Variants in DLG2 observed in about 807,000 individuals in gnomAD.
The protein encoded by DLG2 is disks large homolog 2.
A neutral mutation model predicts 132.5 loss-of-function variants in DLG2; 45 were observed. The observed-to-expected ratio is 0.34, with a 90% CI of 0.27 to 0.44. The LOEUF (loss-of-function observed/expected upper bound fraction) is 0.44. Among genes scored for constraint, DLG2 ranks in the 20% least tolerant of loss-of-function variants. The probability of loss-of-function intolerance (pLI) is 1.00; values close to 1 mark genes in which losing one functional copy is unlikely to be tolerated. For synonymous variants in DLG2, 424 were observed against 419.6 expected, an observed-to-expected ratio of 1.01 and a Z score of -0.13; for missense variants, 1,045 against 1,196.9, an observed-to-expected ratio of 0.87 and a Z score of 1.87.
At chr11:83,994,599 G>A (rs1412671728) in intron 11 of DLG2, among the ~76,000 whole-genome samples, 1 of 151,988 alleles carries the variant, frequency 6.6e-6, no homozygotes, top group African/African-American at 2.4e-5. Flanking sequence ...TTTTCCATAA[G>A]CATACTTTAA....
intron 7 of DLG2, among the ~76,000 whole-genome samples, chr11:84,532,116 C>CTTTTT (rs1565211965): frequency 6.9e-4 from 48 of 69,922 alleles, no homozygotes; most frequent in African/African-American, 2.1e-3. Flanking sequence ...TTGTTCTGTT[C>CTTTTT]ATTTTTTTTT....
chr11:83,533,650 C>T (rs532954851), intron 20 of DLG2, among the ~76,000 whole-genome samples: 51 of 152,216 alleles, frequency 3.4e-4, no homozygotes, highest in African/African-American at 1.1e-3. Flanking sequence ...ACAGAAGGAA[C>T]AACACATTCC....
At chr11:85,188,783 T>C (rs603170) in intron 4 of DLG2, among the ~76,000 whole-genome samples, 17,646 of 152,028 alleles carry the variant, frequency 0.12, 1,365 homozygotes, top group East Asian at 0.31. Flanking sequence ...ATCAGTAAAC[T>C]TGAAGATTAG....
chr11:83,939,368 A>C (rs921224571), intron 14 of DLG2, among the ~76,000 whole-genome samples: 3 of 152,148 alleles, frequency 2.0e-5, no homozygotes, highest in African/African-American at 4.8e-5. Context: ...TGTTCTGTTG[A>C]GTATACTCCC....
At chr11:85,047,207 C>T (rs140315170) in intron 6 of DLG2, among the ~76,000 whole-genome samples, 10 of 151,850 alleles carry the variant, frequency 6.6e-5, no homozygotes, top group African/African-American at 2.4e-4. Context: ...TTACCAAGTG[C>T]TTGCTGTTCC....
At chr11:85,519,212 C>A (rs538933411) in intron 3 of DLG2, among the ~76,000 whole-genome samples, 1 of 152,256 alleles carries the variant, frequency 6.6e-6, no homozygotes, top group East Asian at 1.9e-4. Context: ...ATGGTAGATC[C>A]ACTGACAGCC....
intron 6 of DLG2, among the ~76,000 whole-genome samples, chr11:84,828,670 T>C (rs865836002): frequency 6.6e-6 from 1 of 151,706 alleles, no homozygotes; most frequent in Admixed American, 6.6e-5. Flanking sequence ...AATAAAGACA[T>C]GGAGGTGCCA....
chr11:84,946,391 C>T (rs1168618791), intron 6 of DLG2, among the ~76,000 whole-genome samples: 2 of 152,066 alleles, frequency 1.3e-5, no homozygotes, highest in African/African-American at 4.8e-5. Context: ...ACAACTGATG[C>T]TTATTCAAGG....
intron 3 of DLG2, among the ~76,000 whole-genome samples, chr11:85,376,912 T>C (rs2085451393): frequency 6.6e-6 from 1 of 152,172 alleles, no homozygotes; most frequent in South Asian, 2.1e-4. Flanking sequence ...TTTTTTCCAA[T>C]GGGAAAGAAT....
intron 4 of DLG2, among the ~76,000 whole-genome samples, chr11:85,258,945 T>C (rs1045042264): frequency 2.6e-5 from 4 of 152,226 alleles, no homozygotes; most frequent in African/African-American, 9.6e-5. Flanking sequence ...TCTGAAATTA[T>C]TATAATCCTT....
At chr11:85,541,044 T>C (rs904535341) in intron 3 of DLG2, among the ~76,000 whole-genome samples, 8 of 152,246 alleles carry the variant, frequency 5.3e-5, no homozygotes, top group Non-Finnish European at 7.3e-5. Context: ...GCTGCAGTCA[T>C]GCAAATCTGA....
chr11:85,239,321 C>A (rs908887874), intron 4 of DLG2, among the ~76,000 whole-genome samples: 4 of 152,036 alleles, frequency 2.6e-5, no homozygotes, highest in Non-Finnish European at 5.9e-5. Flanking sequence ...CTGCAAATGG[C>A]ACCATGTATG....
chr11:83,817,678 CA>C (rs1402876602), intron 17 of DLG2, among the ~76,000 whole-genome samples: 1 of 152,076 alleles, frequency 6.6e-6, no homozygotes, highest in African/African-American at 2.4e-5. Context: ...AGTTGAAAAA[CA>C]GCCTGGGCAA....
At chr11:84,307,835 C>T (rs2098241276) in intron 7 of DLG2, among the ~76,000 whole-genome samples, 1 of 150,928 alleles carries the variant, frequency 6.6e-6, no homozygotes, top group South Asian at 2.1e-4. Flanking sequence ...TTCGTGGTCT[C>T]GCTGACTCAG....
chr11:84,156,622 T>C (rs569898665), intron 9 of DLG2, among the ~76,000 whole-genome samples: 1 of 152,356 alleles, frequency 6.6e-6, no homozygotes, highest in East Asian at 1.9e-4. Flanking sequence ...ATAAAATAAT[T>C]TAAAAATCTG....
chr11:83,584,378 A>G (rs7104495), intron 19 of DLG2, among the ~76,000 whole-genome samples: 4,087 of 152,326 alleles, frequency 0.027, 210 homozygotes, highest in African/African-American at 0.093. Flanking sequence ...TACGGCTAGC[A>G]TAAGTGAGGG....
At chr11:85,453,175 C>A (rs2092308686) in intron 3 of DLG2, 1 of 316,694 alleles carries the variant, frequency 3.2e-6, no homozygotes, top group South Asian at 7.0e-5. Flanking sequence ...CTGATAGCAT[C>A]ATTTGGGTAC....
At chr11:84,571,500 C>T (rs1467438497) in intron 6 of DLG2, among the ~76,000 whole-genome samples, 2 of 151,960 alleles carry the variant, frequency 1.3e-5, no homozygotes, top group Non-Finnish European at 1.5e-5. Context: ...TAATGCCATG[C>T]TTGGTCTCTA....
intron 7 of DLG2, among the ~76,000 whole-genome samples, chr11:84,267,538 A>T (rs1351593083): frequency 2.0e-5 from 3 of 152,154 alleles, no homozygotes; most frequent in Admixed American, 2.0e-4. Flanking sequence ...GGGTATAGAA[A>T]CTCACTTGCA....
Sources: allele counts gnomAD v4.1 joint callset (sites outside exome capture counted in the v4.1 genomes callset), GRCh38; gene constraint gnomAD v4.1.1; transcripts MANE v1.5; gene names NCBI Gene and HGNC (gene_info 2026-07-23, HGNC 2026-07-21).